Variants in LRP1B observed in about 807,000 individuals in gnomAD.
The protein encoded by LRP1B is low-density lipoprotein receptor-related protein 1B.
In LRP1B, 217 loss-of-function variants were observed where a neutral mutation model predicts 556.6. That is an observed-to-expected ratio of 0.39 (90% confidence interval 0.35 to 0.44). LRP1B has a LOEUF of 0.44. LRP1B is among the 20% of genes least tolerant of loss of function. The pLI, the probability that LRP1B is intolerant of heterozygous loss-of-function variation, is 1.00. For synonymous variants in LRP1B, 2,047 were observed against 1,865.8 expected, an observed-to-expected ratio of 1.10 and a Z score of -2.50; for missense variants, 5,053 against 5,620.8, an observed-to-expected ratio of 0.90 and a Z score of 3.23.
At chr2:140,857,565 CAAGTA>C (rs1692657092) in intron 27 of LRP1B, among the ~76,000 whole-genome samples, 1 of 151,964 alleles carries the variant, frequency 6.6e-6, no homozygotes, top group African/African-American at 2.4e-5. Flanking sequence ...AAAATATGTG[CAAGTA>C]AAGCATGCTT....
chr2:140,672,189 G>A (rs1050506856), intron 41 of LRP1B, among the ~76,000 whole-genome samples: 4 of 151,976 alleles, frequency 2.6e-5, no homozygotes, highest in African/African-American at 9.7e-5. Context: ...AAAATGGAAG[G>A]ATAAAATGAG....
At chr2:141,598,001 T>C (rs1687584698) in intron 2 of LRP1B, among the ~76,000 whole-genome samples, 2 of 152,028 alleles carry the variant, frequency 1.3e-5, no homozygotes, top group African/African-American at 4.8e-5. Flanking sequence ...TGGCCTACAC[T>C]GAACTAAGAG....
intron 7 of LRP1B, among the ~76,000 whole-genome samples, chr2:141,120,196 A>T (rs1447149604): frequency 6.6e-6 from 1 of 151,882 alleles, no homozygotes; most frequent in Non-Finnish European, 1.5e-5. Context: ...GACAAAAGCA[A>T]TTTACTTTAT....
At chr2:141,320,120 C>T (rs1687183478) in intron 3 of LRP1B, among the ~76,000 whole-genome samples, 1 of 152,056 alleles carries the variant, frequency 6.6e-6, no homozygotes, top group African/African-American at 2.4e-5. Context: ...CAAGGTTCTA[C>T]AGCATAATTG....
intron 28 of LRP1B, 62 bp downstream of exon 28, chr2:140,851,590 T>C (rs1692456901): frequency 1.3e-6 from 2 of 1,557,848 alleles, no homozygotes; most frequent in Non-Finnish European, 1.7e-6. Context: ...ATCTGAATGC[T>C]AATATAATTT....
At chr2:141,047,342 T>C (rs1394822308) in intron 11 of LRP1B, among the ~76,000 whole-genome samples, 2 of 152,172 alleles carry the variant, frequency 1.3e-5, no homozygotes, top group East Asian at 3.9e-4. Context: ...AACAGGTACG[T>C]TTTTATTTTA....
intron 43 of LRP1B, among the ~76,000 whole-genome samples, chr2:140,595,100 A>G (rs75931910): frequency 3.0e-5 from 1 of 33,432 alleles, no homozygotes; most frequent in Admixed American, 2.9e-4. Flanking sequence ...ATATATATAT[A>G]TATATATATA....
chr2:141,240,151 T>C (rs1683810423), intron 5 of LRP1B, among the ~76,000 whole-genome samples: 2 of 152,122 alleles, frequency 1.3e-5, no homozygotes, highest in Non-Finnish European at 2.9e-5. Context: ...AGGTTTTCTC[T>C]TCTCAAGACT....
chr2:141,547,678 C>G (rs996275814), intron 2 of LRP1B, among the ~76,000 whole-genome samples: 1 of 152,154 alleles, frequency 6.6e-6, no homozygotes, highest in African/African-American at 2.4e-5. Context: ...GTGCAGCAGG[C>G]ATGCTTTTTC....
intron 1 of LRP1B, among the ~76,000 whole-genome samples, chr2:141,883,849 C>G (rs981012541): frequency 2.6e-5 from 4 of 152,084 alleles, no homozygotes; most frequent in Admixed American, 2.6e-4. Flanking sequence ...AAGAAAACAA[C>G]AACAACAACA....
chr2:141,647,095 C>T (rs1159037686), intron 2 of LRP1B, among the ~76,000 whole-genome samples: 1 of 152,020 alleles, frequency 6.6e-6, no homozygotes, highest in Non-Finnish European at 1.5e-5. Flanking sequence ...GGAAGAAGGT[C>T]CTGAGTAGAA....
At chr2:140,747,444 G>C (rs973172949) in intron 35 of LRP1B, among the ~76,000 whole-genome samples, 1 of 152,150 alleles carries the variant, frequency 6.6e-6, no homozygotes, top group African/African-American at 2.4e-5. Flanking sequence ...TCCCTACAGA[G>C]GGTCACTTAG....
intron 35 of LRP1B, among the ~76,000 whole-genome samples, chr2:140,756,019 G>T (rs1173954668): frequency 1.3e-5 from 2 of 151,692 alleles, no homozygotes; most frequent in African/African-American, 4.8e-5. Context: ...GAGGATAGAA[G>T]ATCAAAATAC....
chr2:140,360,781 A>G (rs1448466223), intron 72 of LRP1B, among the ~76,000 whole-genome samples: 1 of 151,586 alleles, frequency 6.6e-6, no homozygotes, highest in Non-Finnish European at 1.5e-5. Flanking sequence ...CGTTGTTTAC[A>G]TTGGTGAATT....
At position 140,361,400 on chromosome 2, in the gene LRP1B, C is replaced by CAAAGATGGG. The variant is rs1335089445; in HGVS notation, c.11132-2463_11132-2455dup. Among the ~76,000 whole-genome samples the CAAAGATGGG allele has an allele frequency of 2.1e-5, 2 of 97,042 alleles. 1 individual carries two copies. The highest frequency in any genetic ancestry group is 7.0e-4 in the East Asian group (2 of 2,874). 63.7% of individuals were successfully genotyped at this position (97,042 alleles called of 152,430 possible). ...TATATAACAAAAATAAGTAGAAATA[C>CAAAGATGGG]AAAGATGGGAAATTTCTTAAGATAT... On this transcript the variant is annotated intron_variant, in intron 72 of 90. Transcript: ENST00000389484.
At chr2:141,231,586 G>A (rs1376100615) in intron 5 of LRP1B, among the ~76,000 whole-genome samples, 4 of 151,958 alleles carry the variant, frequency 2.6e-5, no homozygotes, top group African/African-American at 4.8e-5. Flanking sequence ...CACGTAGCAC[G>A]TTCCCTTAGC....
intron 11 of LRP1B, among the ~76,000 whole-genome samples, chr2:141,027,076 T>C (rs1183191097): frequency 6.6e-6 from 1 of 152,030 alleles, no homozygotes; most frequent in Non-Finnish European, 1.5e-5. Context: ...TGAAGAAAGT[T>C]TAACCTAGGC....
intron 1 of LRP1B, among the ~76,000 whole-genome samples, chr2:141,936,705 C>T (rs1184155746): frequency 6.6e-6 from 1 of 152,108 alleles, no homozygotes; most frequent in Non-Finnish European, 1.5e-5. Context: ...TTTTGTATTC[C>T]CATTGACTGA....
chr2:140,979,733 C>T (rs757455155), intron 18 of LRP1B, among the ~76,000 whole-genome samples: 17 of 152,078 alleles, frequency 1.1e-4, no homozygotes, highest in Non-Finnish European at 2.1e-4. Context: ...TATCTGCACC[C>T]CATGCAAGGA....
Sources: allele counts gnomAD v4.1 joint callset (sites outside exome capture counted in the v4.1 genomes callset), GRCh38; gene constraint gnomAD v4.1.1; transcripts MANE v1.5; gene names NCBI Gene and HGNC (gene_info 2026-07-23, HGNC 2026-07-21).